Variants in PCGF1 observed in about 807,000 individuals in gnomAD.
The protein encoded by PCGF1 is polycomb group ring finger 1.
Under a neutral mutation model 38.8 loss-of-function variants are expected in PCGF1, and 10 were observed. The ratio of observed to expected loss-of-function variants is 0.26; its 90% CI spans 0.16 to 0.44. The LOEUF is 0.44. PCGF1 is among the 20% of genes least tolerant of loss of function. The pLI, the probability that PCGF1 is intolerant of heterozygous loss-of-function variation, is 1.00. For synonymous variants in PCGF1, 119 were observed against 121.3 expected (o/e 0.98, Z 0.12); for missense variants, 230 against 331.5 (o/e 0.69, Z 2.38).
At chr2:74,506,294 G>C (rs528385530) in intron 3 of PCGF1, 42 bp from the exon 4 acceptor site, 2 of 1,594,954 alleles carry the variant, frequency 1.3e-6, no homozygotes, top group Non-Finnish European at 1.7e-6. Context: ...TTAGCCCTTC[G>C]GGGCCGGGCG....
chr2:74,505,525 C>T, intron 7 of PCGF1, 27 bp downstream of exon 7: 1 of 1,613,900 alleles, frequency 6.2e-7, no homozygotes, highest in Non-Finnish European at 8.5e-7. Flanking sequence ...TTCTCCCCCT[C>T]AAGAAACCTA....
Position 74,505,636 on chromosome 2 carries a change from G to C in PCGF1, c.567C>G (p.Asn189Lys), listed in dbSNP as rs1261287402. 1 of 1,614,060 alleles carries C rather than the reference G, an allele frequency of 6.2e-7. No homozygotes were observed. The highest frequency in any genetic ancestry group is 1.1e-5 in the South Asian group (1 of 91,076). Residue 189 changes from asparagine to lysine, a missense_variant and splice_region_variant, in exon 7 of 9, where the codon AAC (asparagine) becomes AAG (lysine). By Grantham distance (94) the Asn-to-Lys change is moderately conservative. This residue lies in a region of PCGF1 where 144 missense variants were observed against 182.4 expected (regional missense o/e 0.79). Coordinates refer to ENST00000233630, the MANE Select transcript of PCGF1 (RefSeq NM_032673.3). ...CTCTAACAGAACATCGGACATACTT[G>C]TTCTGGGAGCAGGGAGGGGAGGGAA... ...GKDKNKSVLQNKYVRCSVRAE... is the reference protein window; with the variant it reads ...GKDKNKSVLQKKYVRCSVRAE...
At position 74,506,889 on chromosome 2, in the gene PCGF1, AG is replaced by A. The variant is rs1674648493; in HGVS notation, c.200-6del. The A allele has an allele frequency of 3.7e-6, 6 of 1,614,208 alleles. No individual in the cohort carries two copies. The East Asian group carries it at 1.1e-4, about 30-fold the overall frequency. On this transcript the variant is annotated splice_polypyrimidine_tract_variant and splice_region_variant and intron_variant, in intron 2 of 8. Coordinates refer to ENST00000233630, the MANE Select transcript of PCGF1 (RefSeq NM_032673.3). ...TCACAATACAACTCTTGCAGACTGC[AG>A]GAAAAGAAAAGCAGATTCTCAGGCC...
At chr2:74,506,673 A>C in intron 3 of PCGF1, 59 bp downstream of exon 3, 1 of 1,593,946 alleles carries the variant, frequency 6.3e-7, no homozygotes, top group South Asian at 1.1e-5. Context: ...CCGTCACCTC[A>C]AGCTGCCACT....
intron 5 of PCGF1, 55 bp downstream of exon 5, chr2:74,505,897 C>G (rs1674619555): frequency 6.2e-7 from 1 of 1,605,458 alleles, no homozygotes; most frequent in African/African-American, 1.3e-5. Flanking sequence ...TAGACCCTCC[C>G]TGGCTCTGGG....
chr2:74,506,949 G>A, intron 2 of PCGF1, 65 bp from the exon 3 acceptor site: 1 of 1,607,826 alleles, frequency 6.2e-7, no homozygotes, highest in Non-Finnish European at 8.5e-7. Flanking sequence ...TGGGTGGGGT[G>A]CCTGGATGCG....
intron 1 of PCGF1, chr2:74,507,356 G>T: frequency 6.9e-7 from 1 of 1,452,274 alleles, no homozygotes; most frequent in Non-Finnish European, 9.0e-7. Context: ...ACGTGGACTC[G>T]CCTGACCCTC....
chr2:74,507,338 C>T (rs1674663917), intron 1 of PCGF1, 191 bp from the exon 2 acceptor site: 1 of 1,454,188 alleles, frequency 6.9e-7, no homozygotes. Flanking sequence ...ACAGCGGGGG[C>T]TTCCCTCACG....
chr2:74,505,322 AG>A lies in PCGF1; in HGVS notation c.732+16del. 6.2e-7 allele frequency: 1 copy of A among 1,601,136 alleles called. No individual in the cohort carries two copies. The highest frequency in any genetic ancestry group is 8.5e-7 in the Non-Finnish European group (1 of 1,173,392). ...GTCTGAAGGGGGTGTGATCCCAGGG[AG>A]GGTGGCCTGGCTTACCTTGCCGAAC... On this transcript the variant is annotated intron_variant, in intron 8 of 8. Coordinates refer to ENST00000233630, the MANE Select transcript of PCGF1 (RefSeq NM_032673.3).
intron 3 of PCGF1, chr2:74,506,527 G>C: frequency 3.1e-6 from 2 of 639,070 alleles, no homozygotes; most frequent in South Asian, 2.0e-5. Flanking sequence ...GCAGTGAGCT[G>C]AGATTGCGCC....
intron 1 of PCGF1, 94 bp downstream of exon 1, chr2:74,507,482 C>T (rs1280340819): frequency 6.6e-7 from 1 of 1,516,538 alleles, no homozygotes; most frequent in East Asian, 2.5e-5. Context: ...TCTGCGCAGG[C>T]GCACTGGGCG....
Position 74,505,991 on chromosome 2 carries a change from C to A in PCGF1, c.491G>T (p.Arg164Leu). ...SFDHSKAHYY[R>L]YDEQLNLCLE... is the part of the protein sequence containing the mutation. Reference sequence around the variant, plus strand: ...GCACAGGTTCAACTGCTCATCATAGCGATAGTAGTGGGCTTTAGAGTGGTC... The same window carrying A: ...GCACAGGTTCAACTGCTCATCATAGAGATAGTAGTGGGCTTTAGAGTGGTC... The change falls in exon 5 of 9, where the codon CGC (arginine) becomes CTC (leucine). Residue 164 changes from arginine (R) to leucine (L), a missense_variant. Coordinates refer to ENST00000233630, the MANE Select transcript of PCGF1 (RefSeq NM_032673.3). 6.2e-7 allele frequency: 1 copy of A among 1,614,152 alleles called. No homozygotes were observed. Among genetic ancestry groups the A allele is most frequent in the Non-Finnish European group, 8.5e-7 (1 of 1,180,020 alleles).
intron 1 of PCGF1, chr2:74,507,374 AG>A: frequency 6.9e-7 from 1 of 1,452,146 alleles, no homozygotes; most frequent in Middle Eastern, 2.5e-4. Flanking sequence ...CTCCTTTCCC[AG>A]GGGAGACTAC....
chr2:74,505,527 A>G (rs1674609383), intron 7 of PCGF1, 25 bp downstream of exon 7: 1 of 1,613,764 alleles, frequency 6.2e-7, no homozygotes, highest in Non-Finnish European at 8.5e-7. Context: ...CTCCCCCTCA[A>G]GAAACCTACT....
Position 74,507,646 on chromosome 2 carries a change from TG to T in PCGF1, c.22del (p.Gln8ArgfsTer6). The T allele has an allele frequency of 1.3e-6, 2 of 1,569,144 alleles. No homozygotes were observed. Among genetic ancestry groups the T allele is most frequent in the Middle Eastern group, 1.7e-4 (1 of 6,000 alleles). On this transcript the variant is annotated frameshift_variant, in exon 1 of 9. Coordinates refer to ENST00000233630, the MANE Select transcript of PCGF1 (RefSeq NM_032673.3). LOFTEE classifies it high-confidence loss of function. The stretch of plus-strand genomic sequence containing the variant: ...CCGAAGCCTCATCGCGATCGCAATC[TG>T]GCCCCCCTGAGGAGACGCCATCTTA... MASPQGG[Q>X]IAIAMRLRNQ...
intron 1 of PCGF1, 61 bp from the exon 2 acceptor site, chr2:74,507,208 C>T (rs1475728433): frequency 1.2e-5 from 19 of 1,561,002 alleles, no homozygotes; most frequent in Non-Finnish European, 1.5e-5. Flanking sequence ...TGCGCCTTCC[C>T]ACCTTGGGGG....
chr2:74,507,436 C>T (rs1674666837), intron 1 of PCGF1, 140 bp downstream of exon 1: 6 of 1,465,318 alleles, frequency 4.1e-6, no homozygotes, highest in Non-Finnish European at 5.4e-6. Flanking sequence ...TTTGGCAACC[C>T]GATCGCAACC....
chr2:74,505,303 A>C (rs1558594501), intron 8 of PCGF1, 36 bp downstream of exon 8: 1 of 1,590,604 alleles, frequency 6.3e-7, no homozygotes, highest in Non-Finnish European at 8.6e-7. Flanking sequence ...GGGAGTCTGA[A>C]GGGGGTGTGA....
In PCGF1 at chr2:74,506,098, T is replaced by C. The variant is rs556865925; in HGVS notation, c.425-41A>G. On this transcript the variant is annotated intron_variant, in intron 4 of 8. Transcript: ENST00000233630. ...TAGTGAGGTGGCTGGTGGCACACAT[T>C]CCATACTCCTCTTTCCCCAGAGAGC... 8 of 1,612,348 alleles carry C rather than the reference T, an allele frequency of 5.0e-6. No individual in the cohort carries two copies. In the Admixed American group the frequency reaches 1.0e-4, roughly 20 times the overall value.
Sources: gnomAD v4.1 joint callset for allele counts on GRCh38, gnomAD v4.1.1 for gene constraint, gnomAD v4.1.1 regional missense constraint, MANE v1.5 for transcripts, NCBI Gene and HGNC (gene_info 2026-07-23, HGNC 2026-07-21) for gene names.